Variants in BIRC3 observed in about 807,000 individuals in gnomAD.
BIRC3 encodes the protein baculoviral IAP repeat-containing protein 3.
Under a neutral mutation model 59.0 loss-of-function variants are expected in BIRC3, and 26 were observed. The observed-to-expected ratio is 0.44, with a 90% CI of 0.32 to 0.61. The LOEUF (loss-of-function observed/expected upper bound fraction) is 0.61. Ranked by LOEUF, BIRC3 falls within the 20% of genes least tolerant of loss-of-function variation. The pLI, the probability that BIRC3 is intolerant of heterozygous loss-of-function variation, is 0.04. For synonymous variants in BIRC3, 243 were observed against 249.2 expected, an observed-to-expected ratio of 0.98 and a Z score of 0.24; for missense variants, 641 against 711.5, an observed-to-expected ratio of 0.90 and a Z score of 1.13.
chr11:102,333,558 G>C (rs778151653), intron 6 of BIRC3, among the ~76,000 whole-genome samples: 8 of 149,672 alleles, frequency 5.3e-5, no homozygotes, highest in Non-Finnish European at 7.4e-5. Flanking sequence ...AACAGAGTGA[G>C]ACACTCTCTA....
intron 3 of BIRC3, chr11:102,326,625 C>A: frequency 2.3e-6 from 1 of 431,842 alleles, no homozygotes; most frequent in Non-Finnish European, 4.6e-6. Context: ...GCACTGGCAA[C>A]AAGCTGCACT....
intron 3 of BIRC3, 137 bp downstream of exon 3, chr11:102,325,702 TA>T (rs1368260158): frequency 1.3e-6 from 1 of 750,558 alleles, no homozygotes; most frequent in Non-Finnish European, 2.0e-6. Flanking sequence ...GATTACTTAG[TA>T]AAATACTTAC....
At position 102,322,010 on chromosome 11, in the gene BIRC3, G is replaced by A. The variant is rs377068531; in HGVS notation, c.-2500G>A. 3.1e-4 allele frequency: 61 copies of A among 193,908 alleles called. No homozygotes were observed. Among genetic ancestry groups the A allele is most frequent in the African/African-American group, 1.2e-3 (50 of 43,218 alleles). The allele number at this position is 193,908 out of a possible 1,614,324, so 12.0% of individuals were successfully genotyped here. ...ATTAACTGGTGTTTTACTATCCAAA[G>A]AATGCTAATTTTATAAACATGATCG... is the stretch of plus-strand genomic sequence containing the variant. On this transcript the variant is annotated 5_prime_UTR_variant, in exon 2 of 9. Coordinates refer to ENST00000263464, the MANE Select transcript of BIRC3 (RefSeq NM_001165.5).
At chr11:102,330,961 GCT>G in intron 5 of BIRC3, 36 bp from the exon 6 acceptor site, 2 of 1,517,094 alleles carry the variant, frequency 1.3e-6, no homozygotes, top group Middle Eastern at 1.8e-4. Flanking sequence ...GAAATATAAG[GCT>G]ATCCTAATAT....
rs1295487983 is a variant in BIRC3 at position 102,337,999 on chromosome 11, C to T, written c.*897C>T. Reference sequence around the variant, plus strand: ...TTCAAGAAGTCTCATGCCAGCCCCACCTATTGGAAGAAGGTCTGAGTTTTA... The same window carrying T: ...TTCAAGAAGTCTCATGCCAGCCCCATCTATTGGAAGAAGGTCTGAGTTTTA... On this transcript the variant is annotated 3_prime_UTR_variant, in exon 9 of 9. Coordinates refer to ENST00000263464, the MANE Select transcript of BIRC3 (RefSeq NM_001165.5). 6.6e-5 allele frequency: 15 copies of T among 226,362 alleles called. No individual in the cohort carries two copies. The highest frequency in any genetic ancestry group is 1.1e-4 in the Admixed American group (2 of 17,544). 14.0% of individuals were successfully genotyped at this position (226,362 alleles called of 1,614,324 possible).
intron 1 of BIRC3, 39 bp downstream of exon 1, chr11:102,317,610 C>T (rs918825811): frequency 2.3e-4 from 35 of 149,290 alleles, no homozygotes; most frequent in Admixed American, 7.3e-4. Flanking sequence ...TGTGTGTGTG[C>T]GTGTGTGTGT....
Position 102,336,054 on chromosome 11 carries a change from C to T in BIRC3, c.1413C>T (p.Ala471=), listed in dbSNP as rs530212998. ...CAATCCTGGATAGTCTACTAACTGC[C>T]GGAATTATTAATGAACAAGAACATG... is the stretch of plus-strand genomic sequence containing the variant. ...VIPILDSLLT[A]GIINEQEHDV... Residue 471 remains alanine (A), a synonymous_variant, in exon 7 of 9, where the codon GCC becomes GCT. Transcript: ENST00000263464. 9.3e-6 allele frequency: 15 copies of T among 1,613,356 alleles called. No individual in the cohort carries two copies. Among genetic ancestry groups the T allele is most frequent in the South Asian group, 3.3e-5 (3 of 91,064 alleles).
intron 6 of BIRC3, among the ~76,000 whole-genome samples, chr11:102,331,998 T>A (rs1231618698): frequency 6.6e-6 from 1 of 152,198 alleles, no homozygotes; most frequent in Non-Finnish European, 1.5e-5. Context: ...TGACTATACA[T>A]TAATACACAA....
At chr11:102,319,002 T>C (rs1431397062) in intron 1 of BIRC3, among the ~76,000 whole-genome samples, 1 of 151,742 alleles carries the variant, frequency 6.6e-6, no homozygotes, top group Non-Finnish European at 1.5e-5. Context: ...GAAGGGGTGA[T>C]ACAGGGTAGT....
rs764698294 is a variant in BIRC3, at chr11:102,327,757, A to C, written c.954-295A>C. Among the ~76,000 whole-genome samples, 5 of 152,372 alleles carry C rather than the reference A, an allele frequency of 3.3e-5. No individual in the cohort carries two copies. In the South Asian group the frequency reaches 6.2e-4, roughly 19 times the overall value. On this transcript the variant is annotated intron_variant, in intron 3 of 8. Transcript: ENST00000263464. ...TGTCATGAGAAGCATCTTACAAAAC[A>C]ATTAAAAATTCACACAAAAAATTTG... is the stretch of plus-strand genomic sequence containing the variant.
At chr11:102,332,870 T>A (rs979774778) in intron 6 of BIRC3, among the ~76,000 whole-genome samples, 2 of 152,242 alleles carry the variant, frequency 1.3e-5, no homozygotes, top group African/African-American at 4.8e-5. Context: ...TAGGCAAGCA[T>A]GTCCTTCCTG....
At position 102,324,703 on chromosome 11, in the gene BIRC3, A is replaced by G. The variant is rs147902919; in HGVS notation, c.194A>G (p.Lys65Arg). ...TACACTGGTGTGAATGACAAGGTCA[A>G]ATGCTTCTGTTGTGGCCTGATGCTG... ...FYYTGVNDKV[K>R]CFCCGLMLDN... Residue 65 changes from lysine to arginine, a missense_variant, in exon 2 of 9, where the codon AAA (lysine) becomes AGA (arginine). Lys to Arg is a conservative substitution (Grantham distance 26). Coordinates refer to ENST00000263464, the MANE Select transcript of BIRC3 (RefSeq NM_001165.5). The G allele has an allele frequency of 2.1e-5, 34 of 1,614,182 alleles. No homozygotes were observed. In the African/African-American group the frequency reaches 2.1e-4, roughly 10 times the overall value.
At position 102,324,454 on chromosome 11, in the gene BIRC3, A is replaced by G; in HGVS notation, c.-56A>G. 6.6e-7 allele frequency: 1 copy of G among 1,524,668 alleles called. No individual in the cohort carries two copies. Among genetic ancestry groups the G allele is most frequent in the South Asian group, 1.3e-5 (1 of 74,624 alleles). The allele number at this position is 1,524,668 out of a possible 1,614,324, so 94.4% of individuals were successfully genotyped here. On this transcript the variant is annotated 5_prime_UTR_variant, in exon 2 of 9. Transcript: ENST00000263464. ...AAAACTGATAAAAGCAAAGCCATGC[A>G]CAAAACTACCTCCCTAGAGAAAGGC...
rs200093408 is a variant in BIRC3 at position 102,336,994 on chromosome 11, T to A, written c.1707T>A (p.Phe569Leu). The change falls in exon 9 of 9, where the codon TTT becomes TTA. Residue 569 changes from phenylalanine (F) to leucine (L), a missense_variant. By Grantham distance (22) the Phe-to-Leu change is conservative (BLOSUM62 0). Coordinates refer to ENST00000263464, the MANE Select transcript of BIRC3 (RefSeq NM_001165.5). ...TGGACAAAGAAGTGTCCATAGTGTT[T>A]ATTCCTTGTGGTCATCTAGTAGTAT... ...VCMDKEVSIV[F>L]IPCGHLVVCK... The A allele has an allele frequency of 6.2e-7, 1 of 1,605,232 alleles. No individual in the cohort carries two copies. The highest frequency in any genetic ancestry group is 1.7e-5 in the Admixed American group (1 of 57,216).
intron 6 of BIRC3, among the ~76,000 whole-genome samples, chr11:102,332,134 T>C (rs1228665930): frequency 6.6e-6 from 1 of 152,208 alleles, no homozygotes; most frequent in Non-Finnish European, 1.5e-5. Flanking sequence ...TGTCCTTCCA[T>C]ACTAAACGTA....
At chr11:102,321,067 G>GA (rs1033312133) in intron 1 of BIRC3, among the ~76,000 whole-genome samples, 1 of 152,038 alleles carries the variant, frequency 6.6e-6, no homozygotes, top group Admixed American at 6.5e-5. Flanking sequence ...TGTGGTCCAA[G>GA]AAAAAAATGG....
At chr11:102,328,818 A>C (rs1330645471) in intron 4 of BIRC3, 79 bp from the exon 5 acceptor site, 2 of 534,758 alleles carry the variant, frequency 3.7e-6, no homozygotes, top group Non-Finnish European at 5.3e-6. Flanking sequence ...CTGTTGGGTC[A>C]TTTTCATTGC....
At chr11:102,318,666 A>G (rs1411486100) in intron 1 of BIRC3, among the ~76,000 whole-genome samples, 1 of 152,166 alleles carries the variant, frequency 6.6e-6, no homozygotes, top group African/African-American at 2.4e-5. Flanking sequence ...CAGCCCTGGG[A>G]CTGGGGAGGT....
At position 102,336,798 on chromosome 11, in the gene BIRC3, T is replaced by A; in HGVS notation, c.1618T>A (p.Ser540Thr). 1 of 1,607,430 alleles carries A rather than the reference T, an allele frequency of 6.2e-7. No homozygotes were observed. The highest frequency in any genetic ancestry group is 8.5e-7 in the Non-Finnish European group (1 of 1,177,468). The change falls in exon 8 of 9, where the codon TCA becomes ACA. Residue 540 changes from serine to threonine, a missense_variant. By Grantham distance (58) the Ser-to-Thr change is moderately conservative (BLOSUM62 1). Around this residue, in one of 4 missense-constraint regions of BIRC3, gnomAD observed 268 missense variants for 255.7 expected, o/e 1.05. Transcript: ENST00000263464. ...DIKYIPTEDVSDLPVEEQLRR... is the reference protein window; with the variant it reads ...DIKYIPTEDVTDLPVEEQLRR... ...AAAATATATTCCCACAGAAGATGTTTCAGGTAATAGTACTAATATTTTAAA... is the reference window on the plus strand; with the variant it reads ...AAAATATATTCCCACAGAAGATGTTACAGGTAATAGTACTAATATTTTAAA...
Sources: gnomAD v4.1 joint callset for allele counts (sites outside exome capture counted in the v4.1 genomes callset) on GRCh38, gnomAD v4.1.1 for gene constraint, gnomAD v4.1.1 regional missense constraint, MANE v1.5 for transcripts, NCBI Gene and HGNC (gene_info 2026-07-23, HGNC 2026-07-21) for gene names.